The following CADM2 variants were observed in gnomAD, a reference collection of about 807,000 sequenced individuals.
CADM2 encodes the protein immunoglobulin superfamily member 4D.
Under a neutral mutation model 49.8 loss-of-function variants are expected in CADM2, and 12 were observed. The observed-to-expected ratio is 0.24, with a 90% CI of 0.15 to 0.39. CADM2 has a LOEUF of 0.39. Among genes scored for constraint, CADM2 ranks in the 10% least tolerant of loss-of-function variants. The pLI is 1.00. For synonymous variants in CADM2, 214 were observed against 175.4 expected, an observed-to-expected ratio of 1.22 and a Z score of -1.74; for missense variants, 378 against 492.3, an observed-to-expected ratio of 0.77 and a Z score of 2.20.
At chr3:85,967,018 G>A (rs1410170709) in intron 8 of CADM2, among the ~76,000 whole-genome samples, 1 of 151,678 alleles carries the variant, frequency 6.6e-6, no homozygotes, top group African/African-American at 2.4e-5. Flanking sequence ...GCTATTAAAT[G>A]TGCCTTTCTA....
chr3:85,112,980 T>G (rs572585149), intron 1 of CADM2, among the ~76,000 whole-genome samples: 2 of 152,066 alleles, frequency 1.3e-5, no homozygotes, highest in East Asian at 3.9e-4. Context: ...AATAACAAAT[T>G]TATAAATTAT....
chr3:85,249,822 T>G (rs1441236257), intron 1 of CADM2, among the ~76,000 whole-genome samples: 2 of 151,930 alleles, frequency 1.3e-5, no homozygotes, highest in East Asian at 1.9e-4. Flanking sequence ...AAATTATTAA[T>G]GGATTAACCA....
At chr3:85,452,924 C>T (rs982362599) in intron 1 of CADM2, among the ~76,000 whole-genome samples, 1 of 152,098 alleles carries the variant, frequency 6.6e-6, no homozygotes, top group Non-Finnish European at 1.5e-5. Flanking sequence ...GGCATGCAGA[C>T]TTACAAACGC....
At chr3:85,617,271 C>G (rs2063826156) in intron 1 of CADM2, among the ~76,000 whole-genome samples, 1 of 152,136 alleles carries the variant, frequency 6.6e-6, no homozygotes, top group South Asian at 2.1e-4. Flanking sequence ...ACAACCCTAC[C>G]TTTCAGTTTG....
chr3:86,018,475 C>A (rs1226396268), intron 8 of CADM2, among the ~76,000 whole-genome samples: 1 of 152,014 alleles, frequency 6.6e-6, no homozygotes, highest in Non-Finnish European at 1.5e-5. Context: ...AATGGTTTAA[C>A]TAGTTTACAG....
At chr3:85,569,325 C>T (rs2107232654) in intron 1 of CADM2, among the ~76,000 whole-genome samples, 1 of 147,676 alleles carries the variant, frequency 6.8e-6, no homozygotes, top group South Asian at 2.2e-4. Flanking sequence ...GTAAGACTAT[C>T]CTATATTATA....
At chr3:85,685,706 C>T (rs900262662) in intron 1 of CADM2, among the ~76,000 whole-genome samples, 4 of 149,474 alleles carry the variant, frequency 2.7e-5, no homozygotes, top group Non-Finnish European at 5.9e-5. Flanking sequence ...TCACTGCAAC[C>T]TCCACCTCCC....
At chr3:85,921,468 G>T (rs1172211271) in intron 6 of CADM2, among the ~76,000 whole-genome samples, 1 of 151,958 alleles carries the variant, frequency 6.6e-6, no homozygotes, top group Admixed American at 6.6e-5. Context: ...AGGTCCAATA[G>T]TCTGGTGTTT....
chr3:85,044,494 A>G (rs1206001298), intron 1 of CADM2, among the ~76,000 whole-genome samples: 1 of 152,198 alleles, frequency 6.6e-6, no homozygotes, highest in African/African-American at 2.4e-5. Context: ...GATACATTCC[A>G]GAAGAAATTA....
chr3:85,336,852 G>A (rs2045091821), intron 1 of CADM2, among the ~76,000 whole-genome samples: 1 of 144,708 alleles, frequency 6.9e-6, no homozygotes, highest in African/African-American at 2.5e-5. Context: ...TACCAAGAGG[G>A]GTAGTTGCTA....
intron 1 of CADM2, among the ~76,000 whole-genome samples, chr3:85,659,206 C>T (rs2065319597): frequency 1.3e-5 from 2 of 151,656 alleles, no homozygotes; most frequent in Non-Finnish European, 2.9e-5. Context: ...AATTGACAGC[C>T]TCATCGTAAC....
intron 1 of CADM2, among the ~76,000 whole-genome samples, chr3:85,000,446 C>CAA (rs11413605): frequency 6.8e-6 from 1 of 147,454 alleles, no homozygotes; most frequent in South Asian, 2.2e-4. Context: ...ACTTTGTTCA[C>CAA]AAAAAAAAAC....
chr3:85,875,484 T>C (rs1347779811), intron 3 of CADM2, among the ~76,000 whole-genome samples: 1 of 152,212 alleles, frequency 6.6e-6, no homozygotes, highest in East Asian at 1.9e-4. Context: ...AGCTTTCTTA[T>C]AGTTTATTTG....
intron 1 of CADM2, among the ~76,000 whole-genome samples, chr3:85,573,550 A>G (rs1266734946): frequency 6.6e-6 from 1 of 152,094 alleles, no homozygotes; most frequent in African/African-American, 2.4e-5. Flanking sequence ...ATTAACTACT[A>G]TCAGTGTAAC....
chr3:84,976,593 A>T (rs994421703), intron 1 of CADM2, among the ~76,000 whole-genome samples: 3 of 151,870 alleles, frequency 2.0e-5, no homozygotes, highest in Non-Finnish European at 4.4e-5. Flanking sequence ...AAGTAAAGTT[A>T]GACACTAAAC....
chr3:85,218,564 G>A (rs544774445), intron 1 of CADM2, among the ~76,000 whole-genome samples: 12 of 152,142 alleles, frequency 7.9e-5, no homozygotes, highest in Non-Finnish European at 1.3e-4. Context: ...TTTGGAGCCC[G>A]AGGTGGGTGG....
chr3:85,556,501 G>A (rs1444373496), intron 1 of CADM2, among the ~76,000 whole-genome samples: 1 of 152,118 alleles, frequency 6.6e-6, no homozygotes, highest in Non-Finnish European at 1.5e-5. Context: ...CTTAGATAAT[G>A]TCTTAAGGTA....
At chr3:84,980,442 G>A (rs2032103583) in intron 1 of CADM2, among the ~76,000 whole-genome samples, 2 of 152,138 alleles carry the variant, frequency 1.3e-5, no homozygotes, top group South Asian at 4.1e-4. Context: ...ACATGCGCAT[G>A]TTCTCAAGTA....
intron 1 of CADM2, among the ~76,000 whole-genome samples, chr3:85,246,135 T>C (rs1252974030): frequency 6.6e-6 from 1 of 152,172 alleles, no homozygotes; most frequent in Non-Finnish European, 1.5e-5. Context: ...GATGAGTTCA[T>C]GTCCTTTGTA....
Sources: allele counts gnomAD v4.1 joint callset (sites outside exome capture counted in the v4.1 genomes callset), GRCh38; gene constraint gnomAD v4.1.1; transcripts MANE v1.5; gene names NCBI Gene and HGNC (gene_info 2026-07-23, HGNC 2026-07-21).